ADGRL2: variants seen among roughly 807,000 people sequenced by gnomAD.
ADGRL2 encodes the protein adhesion G protein-coupled receptor L2.
In ADGRL2, 44 loss-of-function variants were observed where a neutral mutation model predicts 157.4. That is an observed-to-expected ratio of 0.28 (90% confidence interval 0.22 to 0.36). ADGRL2 has a LOEUF of 0.36. Among genes scored for constraint, ADGRL2 ranks in the 10% least tolerant of loss-of-function variants. The probability of loss-of-function intolerance (pLI) is 1.00; values close to 1 mark genes in which losing one functional copy is unlikely to be tolerated. For synonymous variants in ADGRL2, 585 were observed against 624.7 expected, an observed-to-expected ratio of 0.94 and a Z score of 0.95; for missense variants, 1,510 against 1,768.9, an observed-to-expected ratio of 0.85 and a Z score of 2.63.
At chr1:81,900,136 G>A (rs1398074703) in intron 2 of ADGRL2, among the ~76,000 whole-genome samples, 1 of 151,926 alleles carries the variant, frequency 6.6e-6, no homozygotes, top group Non-Finnish European at 1.5e-5. Context: ...TATCTTGTAT[G>A]GTTGTTTTGA....
At chr1:81,442,772 G>C (rs1287936208) in intron 1 of ADGRL2, among the ~76,000 whole-genome samples, 1 of 152,128 alleles carries the variant, frequency 6.6e-6, no homozygotes, top group Non-Finnish European at 1.5e-5. Flanking sequence ...GAGTAGCACA[G>C]GAAGGTCCCA....
intron 3 of ADGRL2, among the ~76,000 whole-genome samples, chr1:81,619,929 G>A (rs2081753183): frequency 7.4e-6 from 1 of 134,572 alleles, no homozygotes. Context: ...CTGTGCCTCA[G>A]TTTCCATTTC....
At chr1:81,444,976 T>C (rs557688086) in intron 1 of ADGRL2, 10 of 152,234 alleles carry the variant, frequency 6.6e-5, no homozygotes, top group Admixed American at 1.3e-4. Flanking sequence ...TTGATAATCT[T>C]TTCATGCTGA....
intron 3 of ADGRL2, among the ~76,000 whole-genome samples, chr1:81,666,737 AC>A (rs1373447880): frequency 6.6e-6 from 1 of 152,172 alleles, no homozygotes; most frequent in African/African-American, 2.4e-5. Context: ...GGAAAGCCTC[AC>A]CATGGTTAAT....
chr1:81,524,294 A>G (rs2079399664), intron 2 of ADGRL2, among the ~76,000 whole-genome samples: 1 of 152,100 alleles, frequency 6.6e-6, no homozygotes, highest in Non-Finnish European at 1.5e-5. Context: ...TAAACCTGGG[A>G]GGTGGAGCTT....
chr1:81,833,129 T>C (rs2092064889), intron 1 of ADGRL2, among the ~76,000 whole-genome samples: 1 of 152,208 alleles, frequency 6.6e-6, no homozygotes, highest in South Asian at 2.1e-4. Flanking sequence ...TATAATTTTA[T>C]GATGCAAATA....
intron 2 of ADGRL2, chr1:81,505,188 A>G (rs948525506): frequency 3.6e-5 from 18 of 502,338 alleles, no homozygotes; most frequent in Non-Finnish European, 6.7e-5. Flanking sequence ...ACACACGCTC[A>G]CCCCCACTCC....
In ADGRL2 at chr1:81,582,920, AAC is replaced by A. The variant is rs567402303; in HGVS notation, c.-143+1946_-143+1947del. Among the ~76,000 whole-genome samples the A allele has an allele frequency of 5.7e-3, 869 of 152,092 alleles. 8 individuals carry two copies. Among genetic ancestry groups the A allele is most frequent in the African/African-American group, 0.02 (822 of 41,508 alleles). ...CCTTGGCAACCACACAGCCACCCCC[AAC>A]ACACAACACACAACCCACTCTCTCC... On this transcript the variant is annotated intron_variant, in intron 3 of 24. Transcript: ENST00000370721.
chr1:81,945,984 C>A (rs1033690323), intron 6 of ADGRL2, among the ~76,000 whole-genome samples: 1 of 152,016 alleles, frequency 6.6e-6, no homozygotes, highest in Non-Finnish European at 1.5e-5. Flanking sequence ...CAGAACTATT[C>A]TGGCCCACAA....
At chr1:81,724,136 G>A (rs1211214261) in intron 1 of ADGRL2, among the ~76,000 whole-genome samples, 1 of 151,952 alleles carries the variant, frequency 6.6e-6, no homozygotes, top group Non-Finnish European at 1.5e-5. Context: ...AATTTAATAT[G>A]TAATACATAG....
rs185496923 is a variant in ADGRL2, at chr1:81,848,904, A to G, written c.73+11847A>G. Among the ~76,000 whole-genome samples the G allele has an allele frequency of 2.6e-4, 40 of 152,112 alleles. No homozygotes were observed. In the East Asian group the frequency reaches 7.5e-3, roughly 29 times the overall value. On this transcript the variant is annotated intron_variant, in intron 2 of 23. Coordinates refer to ENST00000686636, the MANE Select transcript of ADGRL2 (RefSeq NM_001366006.2). Reference sequence around the variant, plus strand: ...TCCACACAGATTATCAGTCATCATTAAAACAGTTAAAAGGCATGCTCCTCC... The same window carrying G: ...TCCACACAGATTATCAGTCATCATTGAAACAGTTAAAAGGCATGCTCCTCC...
chr1:81,851,035 A>T (rs2092987719), intron 2 of ADGRL2, among the ~76,000 whole-genome samples: 1 of 152,016 alleles, frequency 6.6e-6, no homozygotes. Flanking sequence ...ACTAATGATC[A>T]CCCAAAAACC....
chr1:81,859,605 G>T (rs1020949352), intron 2 of ADGRL2, among the ~76,000 whole-genome samples: 2 of 151,722 alleles, frequency 1.3e-5, no homozygotes, highest in Non-Finnish European at 2.9e-5. Flanking sequence ...ACAGGGTCTT[G>T]CCATGTTTCC....
chr1:81,636,984 T>G (rs189075742), intron 3 of ADGRL2, among the ~76,000 whole-genome samples: 23 of 152,230 alleles, frequency 1.5e-4, no homozygotes, highest in Admixed American at 5.2e-4. Flanking sequence ...TATAGGCACA[T>G]GCCACCACAT....
chr1:81,986,754 T>C (rs1483315287), intron 21 of ADGRL2, 147 bp from the exon 22 acceptor site: 4 of 723,070 alleles, frequency 5.5e-6, no homozygotes, highest in Non-Finnish European at 9.0e-6. Context: ...TCAAATACAG[T>C]CAGAACATTT....
intron 2 of ADGRL2, chr1:81,513,817 G>A (rs945139394): frequency 2.0e-5 from 3 of 152,182 alleles, no homozygotes; most frequent in Admixed American, 6.5e-5. Flanking sequence ...AAATACAGCT[G>A]CATATCAATG....
chr1:81,813,209 AAT>A (rs2090049701), intron 1 of ADGRL2, among the ~76,000 whole-genome samples: 1 of 149,280 alleles, frequency 6.7e-6, no homozygotes, highest in African/African-American at 2.4e-5. Flanking sequence ...ATTATTTTAG[AAT>A]TTGCTTGTTG....
At chr1:81,428,030 G>T (rs2077250429) in intron 1 of ADGRL2, among the ~76,000 whole-genome samples, 1 of 152,076 alleles carries the variant, frequency 6.6e-6, no homozygotes, top group Non-Finnish European at 1.5e-5. Context: ...TTTTAGTACA[G>T]AAACTAACAA....
intron 1 of ADGRL2, among the ~76,000 whole-genome samples, chr1:81,399,817 T>A (rs2076720377): frequency 6.6e-6 from 1 of 152,172 alleles, no homozygotes; most frequent in Non-Finnish European, 1.5e-5. Context: ...TAGACAGTTA[T>A]TATATATTTT....
Sources: gnomAD v4.1 joint callset for allele counts (sites outside exome capture counted in the v4.1 genomes callset) on GRCh38, gnomAD v4.1.1 for gene constraint, MANE v1.5 for transcripts, NCBI Gene and HGNC (gene_info 2026-07-23, HGNC 2026-07-21) for gene names.